The following SYT14 variants were observed in gnomAD, a reference collection of about 807,000 sequenced individuals.
SYT14 encodes the protein synaptotagmin 14.
Under a neutral mutation model 74.2 loss-of-function variants are expected in SYT14, and 32 were observed. The observed-to-expected ratio is 0.43, with a 90% CI of 0.33 to 0.58. The LOEUF (loss-of-function observed/expected upper bound fraction) is 0.58, where lower values mean the gene tolerates loss of function less well. Ranked by LOEUF, SYT14 falls within the 20% of genes least tolerant of loss-of-function variation. The probability of loss-of-function intolerance (pLI) is 0.05; values close to 1 mark genes in which losing one functional copy is unlikely to be tolerated. For missense variants in SYT14, 791 were observed against 981.8 expected (o/e 0.81, Z 2.60); for synonymous variants, 298 against 337.7 (o/e 0.88, Z 1.29).
In SYT14 at chr1:210,124,381, A is replaced by C. The variant is rs116392437; in HGVS notation, c.2034+23920A>C. ...TTAACATATGACTAACAGGTGATTC[A>C]TAAAGAAAGAAAACAGAGGGGAGGA... On this transcript the variant is annotated intron_variant, in intron 7 of 9. Transcript: ENST00000637265. Among the ~76,000 whole-genome samples the C allele has an allele frequency of 6.9e-3, 1,055 of 152,298 alleles. 14 individuals carry two copies. The highest frequency in any genetic ancestry group is 0.01 in the Non-Finnish European group (702 of 68,018).
intron 1 of SYT14, among the ~76,000 whole-genome samples, chr1:209,941,636 G>T (rs1053619073): frequency 2.6e-5 from 4 of 152,120 alleles, no homozygotes; most frequent in Non-Finnish European, 5.9e-5. Context: ...GCCATTGTCT[G>T]CTTTATACAC....
At chr1:210,082,958 G>T (rs911170614) in intron 5 of SYT14, among the ~76,000 whole-genome samples, 1 of 151,954 alleles carries the variant, frequency 6.6e-6, no homozygotes, top group Non-Finnish European at 1.5e-5. Flanking sequence ...GTGCAGTCTG[G>T]TTTGAGTAAT....
chr1:210,063,619 G>A (rs2081244898), intron 5 of SYT14, among the ~76,000 whole-genome samples: 1 of 151,634 alleles, frequency 6.6e-6, no homozygotes, highest in Admixed American at 6.6e-5. Flanking sequence ...GTTTTTTGAT[G>A]CCCTTCCTTT....
intron 2 of SYT14, among the ~76,000 whole-genome samples, chr1:209,987,330 G>A (rs1465657804): frequency 6.6e-6 from 1 of 152,182 alleles, no homozygotes; most frequent in Non-Finnish European, 1.5e-5. Flanking sequence ...TTTATAAAGA[G>A]GTTTAATTGG....
At chr1:209,980,046 A>G (rs1156434751) in intron 2 of SYT14, among the ~76,000 whole-genome samples, 2 of 152,254 alleles carry the variant, frequency 1.3e-5, no homozygotes, top group African/African-American at 4.8e-5. Flanking sequence ...GTCTTCCACA[A>G]TAGTTGAACT....
At chr1:210,109,880 G>A (rs180703933) in intron 7 of SYT14, among the ~76,000 whole-genome samples, 1,953 of 152,248 alleles carry the variant, frequency 0.013, 16 homozygotes, top group Non-Finnish European at 0.022. Context: ...ATGCCCATCA[G>A]TGATAGACTG....
chr1:209,980,441 C>G (rs1211764068), intron 2 of SYT14, among the ~76,000 whole-genome samples: 1 of 152,080 alleles, frequency 6.6e-6, no homozygotes, highest in Non-Finnish European at 1.5e-5. Flanking sequence ...CACAGAAGCT[C>G]TTTAGTTTAA....
chr1:209,958,650 G>A (rs1453885728), intron 2 of SYT14, among the ~76,000 whole-genome samples: 2 of 152,142 alleles, frequency 1.3e-5, no homozygotes, highest in East Asian at 1.9e-4. Flanking sequence ...AATGAAATTC[G>A]TTAAGGGAAA....
intron 2 of SYT14, chr1:209,966,130 A>C (rs2079154304): frequency 2.9e-6 from 1 of 343,364 alleles, no homozygotes; most frequent in African/African-American, 2.2e-5. Flanking sequence ...TCAACCTCGC[A>C]AAGTGCTGAG....
At chr1:210,006,126 T>C (rs1198813322) in intron 2 of SYT14, among the ~76,000 whole-genome samples, 1 of 151,940 alleles carries the variant, frequency 6.6e-6, no homozygotes, top group African/African-American at 2.4e-5. Context: ...TCTTCCATTG[T>C]CCCTTTAAGT....
chr1:210,162,794 A>G (rs1412527055), exon 10 of SYT14: 1 of 448,116 alleles, frequency 2.2e-6, no homozygotes. Flanking sequence ...TGGCAGCTCT[A>G]TGCATTCATA....
chr1:210,031,029 C>T (rs2080521399), intron 5 of SYT14, among the ~76,000 whole-genome samples: 1 of 151,136 alleles, frequency 6.6e-6, no homozygotes, highest in East Asian at 2.0e-4. Context: ...TGGGCTCAAG[C>T]AATCTTCCAC....
At chr1:210,034,249 A>G (rs1056408425) in intron 5 of SYT14, among the ~76,000 whole-genome samples, 4 of 151,762 alleles carry the variant, frequency 2.6e-5, no homozygotes, top group Non-Finnish European at 4.4e-5. Context: ...ATTTAAACAC[A>G]CAGTGTCTGC....
intron 7 of SYT14, among the ~76,000 whole-genome samples, chr1:210,144,559 T>C (rs2082990494): frequency 1.3e-5 from 2 of 152,146 alleles, no homozygotes; most frequent in South Asian, 4.1e-4. Context: ...ATTTTAATTT[T>C]TAAATAGTTA....
intron 5 of SYT14, among the ~76,000 whole-genome samples, chr1:210,093,102 A>G (rs1417262374): frequency 6.6e-6 from 1 of 151,888 alleles, no homozygotes; most frequent in East Asian, 1.9e-4. Flanking sequence ...TAGGTAAGAC[A>G]TTTAGTTTTT....
chr1:210,121,605 T>C (rs940313903), intron 7 of SYT14, among the ~76,000 whole-genome samples: 7 of 151,952 alleles, frequency 4.6e-5, no homozygotes, highest in Non-Finnish European at 4.4e-5. Context: ...CCATCCTGGC[T>C]AACATGGTGA....
chr1:210,085,498 C>T (rs1461666246), intron 5 of SYT14, among the ~76,000 whole-genome samples: 1 of 152,158 alleles, frequency 6.6e-6, no homozygotes, highest in East Asian at 1.9e-4. Flanking sequence ...ACGATGTTTG[C>T]TTTAGGACTT....
intron 5 of SYT14, among the ~76,000 whole-genome samples, chr1:210,071,864 A>G (rs2081401135): frequency 6.6e-6 from 1 of 151,868 alleles, no homozygotes. Context: ...TATTCTCACA[A>G]ATGACCTCTT....
chr1:210,094,518 T>C, exon 6 of SYT14: 2 of 1,613,692 alleles, frequency 1.2e-6, no homozygotes, highest in Non-Finnish European at 1.7e-6. Context: ...GCACAGGTCA[T>C]GAAATAGAAA....
Sources: gnomAD v4.1 joint callset for allele counts (sites outside exome capture counted in the v4.1 genomes callset) on GRCh38, gnomAD v4.1.1 for gene constraint, MANE v1.5 for transcripts, NCBI Gene and HGNC (gene_info 2026-07-23, HGNC 2026-07-21) for gene names.